GALNT18: variants seen among roughly 807,000 people sequenced by gnomAD.
The protein encoded by GALNT18 is GalNAc-transferase 18.
GALNT18 carries 44 observed loss-of-function variants against 69.5 expected under a neutral mutation model. That is an observed-to-expected ratio of 0.63 (90% CI 0.50 to 0.81). The LOEUF is 0.81. Ranked by LOEUF, GALNT18 falls within the 40% of genes least tolerant of loss-of-function variation. GALNT18 has a pLI of 0.00. For missense variants in GALNT18, 715 were observed against 810.0 expected (o/e 0.88, Z 1.42); for synonymous variants, 364 against 318.2 (o/e 1.14, Z -1.53).
rs577776159 is a variant in GALNT18, at chr11:11,383,174, G to A, written c.596-3910C>T. 6.6e-6 allele frequency among the ~76,000 whole-genome samples: 1 copy of A among 152,228 alleles called. No individual in the cohort carries two copies. Among genetic ancestry groups the A allele is most frequent in the South Asian group, 2.1e-4 (1 of 4,802 alleles). On this transcript the variant is annotated intron_variant, in intron 3 of 10. Transcript: ENST00000227756. The surrounding 1 kb of genome is among the most constrained non-coding windows in gnomAD (Gnocchi z 5.2). Reference sequence around the variant, plus strand: ...TCCCCACGGGGAGCCTCCTCTCCGGGCCTGCTCAGGGCAGGCTGCTTGCCA... The same window carrying A: ...TCCCCACGGGGAGCCTCCTCTCCGGACCTGCTCAGGGCAGGCTGCTTGCCA...
At chr11:11,290,200 G>C (rs1849272488) in intron 10 of GALNT18, among the ~76,000 whole-genome samples, 1 of 152,210 alleles carries the variant, frequency 6.6e-6, no homozygotes, top group African/African-American at 2.4e-5. Context: ...CTTAGAGCCT[G>C]TGCTAAGAGG....
intron 1 of GALNT18, among the ~76,000 whole-genome samples, chr11:11,551,638 G>GTAAC (rs773929060): frequency 1.3e-5 from 2 of 152,286 alleles, no homozygotes; most frequent in East Asian, 3.9e-4. Flanking sequence ...GAGCCACCAG[G>GTAAC]TAACTGCCCA....
rs1399287053 is a variant in GALNT18 at position 11,582,134 on chromosome 11, T to C, written c.235+39225A>G. ...AAAGCCTCCCTGGAGAGGTGACATA[T>C]GGGGAAGAGGGCTGAACAAAGTGAA... On this transcript the variant is annotated intron_variant, in intron 1 of 10. Coordinates refer to ENST00000227756, the MANE Select transcript of GALNT18 (RefSeq NM_198516.3). This position sits in a 1 kb window ranked among gnomAD's most constrained non-coding sequence, Gnocchi z 5.0. Among the ~76,000 whole-genome samples the C allele has an allele frequency of 1.3e-5, 2 of 151,706 alleles. No individual in the cohort carries two copies. Among genetic ancestry groups the C allele is most frequent in the Non-Finnish European group, 2.9e-5 (2 of 67,958 alleles).
At position 11,338,941 on chromosome 11, in the gene GALNT18, G is replaced by C. The variant is rs1177751330; in HGVS notation, c.1278+1878C>G. ...AGGAGCTACAGAGATTCAAGGAAAA[G>C]GTGAAATCCTATAGGTTAAAGACCT... On this transcript the variant is annotated intron_variant, in intron 7 of 10. Coordinates refer to ENST00000227756, the MANE Select transcript of GALNT18 (RefSeq NM_198516.3). This position sits in a 1 kb window ranked among gnomAD's most constrained non-coding sequence, Gnocchi z 5.3. Among the ~76,000 whole-genome samples, 1 of 152,064 alleles carries C rather than the reference G, an allele frequency of 6.6e-6. No homozygotes were observed. Among genetic ancestry groups the C allele is most frequent in the African/African-American group, 2.4e-5 (1 of 41,410 alleles).
At position 11,377,192 on chromosome 11, in the gene GALNT18, C is replaced by T. The variant is rs755695087; in HGVS notation, c.967G>A (p.Ala323Thr). 2 of 1,612,968 alleles carry T rather than the reference C, an allele frequency of 1.2e-6. No individual in the cohort carries two copies. The highest frequency in any genetic ancestry group is 1.1e-5 in the South Asian group (1 of 91,016). The part of the protein sequence containing the change: ...KAWWKLENST[A>T]PIRSPALIGC... ...AAAGGTTTGCTTTACCTGATTGGCG[C>T]TGTGGAGTTCTCCAGCTTCCACCAG... is the stretch of plus-strand genomic sequence containing the variant. The change falls in exon 5 of 11, where the codon GCG (alanine) becomes ACG (threonine). Residue 323 changes from alanine (A) to threonine (T), a missense_variant. Coordinates refer to ENST00000227756, the MANE Select transcript of GALNT18 (RefSeq NM_198516.3). The surrounding 1 kb of genome is among the most constrained non-coding windows in gnomAD (Gnocchi z 4.6).
chr11:11,307,788 G>A (rs1258321238), intron 9 of GALNT18, among the ~76,000 whole-genome samples: 1 of 152,164 alleles, frequency 6.6e-6, no homozygotes, highest in African/African-American at 2.4e-5. Context: ...TTTCTTCATG[G>A]TAACTGGGAT....
chr11:11,298,391 CAGGT>C (rs1229177260), intron 9 of GALNT18, among the ~76,000 whole-genome samples: 6 of 152,268 alleles, frequency 3.9e-5, no homozygotes, highest in African/African-American at 1.4e-4. Context: ...TGAAGACACT[CAGGT>C]AGGCAGTTGC....
chr11:11,468,368 C>G (rs1856196610), intron 1 of GALNT18, among the ~76,000 whole-genome samples: 1 of 152,214 alleles, frequency 6.6e-6, no homozygotes, highest in Non-Finnish European at 1.5e-5. Context: ...AGGACACAGG[C>G]TGTGGCGGTC....
chr11:11,409,733 C>T (rs1437993648), intron 3 of GALNT18, among the ~76,000 whole-genome samples: 1 of 152,096 alleles, frequency 6.6e-6, no homozygotes, highest in African/African-American at 2.4e-5. Flanking sequence ...AGCTTTGTCC[C>T]CAAATTACTA....
In GALNT18 at chr11:11,470,223, C is replaced by A. The variant is rs1856240443; in HGVS notation, c.236-21287G>T. Among the ~76,000 whole-genome samples the A allele has an allele frequency of 1.3e-5, 2 of 152,198 alleles. No homozygotes were observed. Among genetic ancestry groups the A allele is most frequent in the African/African-American group, 4.8e-5 (2 of 41,444 alleles). ...CATTGTGTCACTAAGGGCAGAGACC[C>A]TGTACCACCAGGTTCAAGGCCAGGT... On this transcript the variant is annotated intron_variant, in intron 1 of 10. Transcript: ENST00000227756. This position sits in a 1 kb window ranked among gnomAD's most constrained non-coding sequence, Gnocchi z 4.8.
At chr11:11,550,045 C>G (rs370971304) in intron 1 of GALNT18, among the ~76,000 whole-genome samples, 245 of 152,320 alleles carry the variant, frequency 1.6e-3, no homozygotes, top group African/African-American at 5.6e-3. Context: ...GCCTGTGCCT[C>G]CAGGACAGGA....
intron 3 of GALNT18, among the ~76,000 whole-genome samples, chr11:11,392,393 G>A (rs1283724433): frequency 6.6e-6 from 1 of 152,220 alleles, no homozygotes; most frequent in South Asian, 2.1e-4. Context: ...GCCGAGGCAG[G>A]CAGATCACCC....
chr11:11,358,814 C>T (rs1032011040), intron 6 of GALNT18, among the ~76,000 whole-genome samples: 1 of 102,268 alleles, frequency 9.8e-6, no homozygotes, highest in Non-Finnish European at 2.1e-5. Flanking sequence ...CTAACAGCCC[C>T]AATCCACACA....
chr11:11,369,011 C>T (rs1488125762), intron 6 of GALNT18, among the ~76,000 whole-genome samples: 3 of 152,186 alleles, frequency 2.0e-5, no homozygotes, highest in Non-Finnish European at 4.4e-5. Context: ...AGAAAACAGG[C>T]CTTTGGAGTC....
chr11:11,515,370 G>C (rs1261101535), intron 1 of GALNT18, among the ~76,000 whole-genome samples: 1 of 151,860 alleles, frequency 6.6e-6, no homozygotes, highest in Non-Finnish European at 1.5e-5. Flanking sequence ...GGGAATTCCT[G>C]GAGGTTCGGA....
In GALNT18 at chr11:11,409,003, A is replaced by C. The variant is rs190398329; in HGVS notation, c.595+23618T>G. On this transcript the variant is annotated intron_variant, in intron 3 of 10. Transcript: ENST00000227756. ...TGCGTCCTAATCACCAACTCCTCCA[A>C]CTTTGACGTGGTGGTGAGGCATTGA... 7.9e-4 allele frequency among the ~76,000 whole-genome samples: 120 copies of C among 152,190 alleles called. 1 individual carries two copies. The highest frequency in any genetic ancestry group is 1.5e-3 in the Admixed American group (23 of 15,282).
At chr11:11,474,829 T>C (rs536095377) in intron 1 of GALNT18, among the ~76,000 whole-genome samples, 4 of 152,318 alleles carry the variant, frequency 2.6e-5, no homozygotes, top group African/African-American at 7.2e-5. Context: ...ATAGATGAGA[T>C]AACATATATG....
chr11:11,460,121 C>CAGA (rs754741054), intron 1 of GALNT18, among the ~76,000 whole-genome samples: 3 of 152,180 alleles, frequency 2.0e-5, no homozygotes, highest in Non-Finnish European at 1.5e-5. Context: ...GCAATACAGG[C>CAGA]TACTCTCCCT....
intron 1 of GALNT18, among the ~76,000 whole-genome samples, chr11:11,571,507 G>T (rs1858792802): frequency 6.6e-6 from 1 of 152,228 alleles, no homozygotes; most frequent in African/African-American, 2.4e-5. Context: ...TCAGATCAAA[G>T]TCAGAGTTCC....
Sources: gnomAD v4.1 joint callset for allele counts (sites outside exome capture counted in the v4.1 genomes callset) on GRCh38, gnomAD v4.1.1 for gene constraint, Gnocchi (gnomAD v3.1) non-coding constraint, MANE v1.5 for transcripts, NCBI Gene and HGNC (gene_info 2026-07-23, HGNC 2026-07-21) for gene names.